Variants in FGF2 observed in about 807,000 individuals in gnomAD.
The protein encoded by FGF2 is basic fibroblast growth factor bFGF.
FGF2 carries 13 observed loss-of-function variants against 15.9 expected under a neutral mutation model. The observed-to-expected ratio is 0.82, with a 90% CI of 0.53 to 1.30. The LOEUF (loss-of-function observed/expected upper bound fraction) is 1.30, where lower values mean the gene tolerates loss of function less well. Ranked by LOEUF, FGF2 falls within the 50% of genes most tolerant of loss-of-function variation. The pLI, the probability that FGF2 is intolerant of heterozygous loss-of-function variation, is 0.00. For missense variants in FGF2, 163 were observed against 196.9 expected, an observed-to-expected ratio of 0.83 and a Z score of 1.03; for synonymous variants, 90 against 78.4, an observed-to-expected ratio of 1.15 and a Z score of -0.78.
At chr4:122,862,673 G>A (rs1726496155) in intron 1 of FGF2, among the ~76,000 whole-genome samples, 1 of 152,156 alleles carries the variant, frequency 6.6e-6, no homozygotes, top group African/African-American at 2.4e-5. Context: ...TTGTAGATGT[G>A]ATTTAAGATA....
At chr4:122,854,710 G>T (rs1461441410) in intron 1 of FGF2, among the ~76,000 whole-genome samples, 1 of 152,230 alleles carries the variant, frequency 6.6e-6, no homozygotes, top group East Asian at 1.9e-4. Context: ...AAGTTTTGGA[G>T]ATGGGCCTTG....
chr4:122,854,505 G>C (rs1726298133), intron 1 of FGF2, among the ~76,000 whole-genome samples: 1 of 152,232 alleles, frequency 6.6e-6, no homozygotes, highest in African/African-American at 2.4e-5. Context: ...GCATTCTTGA[G>C]GGTGGAGCCA....
At chr4:122,849,047 A>G (rs947805036) in intron 1 of FGF2, among the ~76,000 whole-genome samples, 3 of 152,188 alleles carry the variant, frequency 2.0e-5, no homozygotes, top group African/African-American at 7.2e-5. Context: ...CTCTTGGTCT[A>G]TCCTTGTGTC....
intron 1 of FGF2, among the ~76,000 whole-genome samples, chr4:122,834,688 CT>C (rs1188733261): frequency 6.6e-6 from 1 of 152,254 alleles, no homozygotes; most frequent in Non-Finnish European, 1.5e-5. Flanking sequence ...GCCCACTCCC[CT>C]CCTCTTGCCT....
chr4:122,871,733 C>T (rs1467572621), intron 1 of FGF2, among the ~76,000 whole-genome samples: 1 of 149,300 alleles, frequency 6.7e-6, no homozygotes, highest in African/African-American at 2.5e-5. Flanking sequence ...AAGTGAACCC[C>T]CAGCAAACTG....
At chr4:122,833,205 G>A (rs977166675) in intron 1 of FGF2, among the ~76,000 whole-genome samples, 1 of 151,938 alleles carries the variant, frequency 6.6e-6, no homozygotes, top group East Asian at 1.9e-4. Context: ...GTGTGTGTAT[G>A]TGTGTATTTG....
chr4:122,852,242 C>T (rs895185659), intron 1 of FGF2, among the ~76,000 whole-genome samples: 3 of 152,092 alleles, frequency 2.0e-5, no homozygotes, highest in Non-Finnish European at 4.4e-5. Flanking sequence ...CAAGTGGTCA[C>T]GGGGACAAGA....
At chr4:122,852,696 C>A (rs893001965) in intron 1 of FGF2, among the ~76,000 whole-genome samples, 1 of 152,146 alleles carries the variant, frequency 6.6e-6, no homozygotes, top group South Asian at 2.1e-4. Flanking sequence ...CAAGTTGAAA[C>A]CCCCTAAACA....
At chr4:122,878,898 G>T (rs1322267495) in intron 2 of FGF2, among the ~76,000 whole-genome samples, 1 of 152,148 alleles carries the variant, frequency 6.6e-6, no homozygotes, top group Admixed American at 6.5e-5. Context: ...AAAGAGCAAG[G>T]TTTGGGAAAA....
At chr4:122,891,583 T>A (rs566724047) in intron 2 of FGF2, among the ~76,000 whole-genome samples, 141 of 152,350 alleles carry the variant, frequency 9.3e-4, no homozygotes, top group African/African-American at 3.2e-3. Context: ...TGTTCCAATA[T>A]TATTTTTGGC....
chr4:122,862,698 T>C (rs952791299), intron 1 of FGF2, among the ~76,000 whole-genome samples: 2 of 152,246 alleles, frequency 1.3e-5, no homozygotes, highest in African/African-American at 4.8e-5. Context: ...TGTGTAATGA[T>C]AAGGCTAAGT....
At chr4:122,858,598 G>A (rs766242574) in intron 1 of FGF2, among the ~76,000 whole-genome samples, 11 of 152,050 alleles carry the variant, frequency 7.2e-5, no homozygotes, top group Admixed American at 3.9e-4. Flanking sequence ...GGGTTTCATC[G>A]TGTTGCCCAG....
chr4:122,877,895 A>G (rs1726889582), intron 2 of FGF2, among the ~76,000 whole-genome samples: 1 of 152,268 alleles, frequency 6.6e-6, no homozygotes, highest in African/African-American at 2.4e-5. Context: ...TGACAAAGAT[A>G]TACTTACATT....
At chr4:122,848,620 A>T (rs1185868977) in intron 1 of FGF2, among the ~76,000 whole-genome samples, 1 of 152,106 alleles carries the variant, frequency 6.6e-6, no homozygotes, top group African/African-American at 2.4e-5. Context: ...GTTTCTGAGG[A>T]TATGGGCCAC....
intron 1 of FGF2, among the ~76,000 whole-genome samples, chr4:122,831,041 C>G (rs900175819): frequency 6.6e-6 from 1 of 152,058 alleles, no homozygotes; most frequent in Non-Finnish European, 1.5e-5. Flanking sequence ...TTCCATGCAA[C>G]CCCAAGCATA....
At chr4:122,854,198 T>C (rs1234065607) in intron 1 of FGF2, among the ~76,000 whole-genome samples, 2 of 152,242 alleles carry the variant, frequency 1.3e-5, no homozygotes, top group Admixed American at 6.5e-5. Flanking sequence ...AAGGATACAA[T>C]ATTTTAAAGT....
chr4:122,833,244 A>G (rs1725800668), intron 1 of FGF2, among the ~76,000 whole-genome samples: 1 of 151,946 alleles, frequency 6.6e-6, no homozygotes, highest in African/African-American at 2.4e-5. Flanking sequence ...GACTTCTGCA[A>G]TTTAACCTCT....
chr4:122,860,941 T>C (rs981342723), intron 1 of FGF2, among the ~76,000 whole-genome samples: 6 of 152,198 alleles, frequency 3.9e-5, no homozygotes, highest in Non-Finnish European at 1.5e-5. Flanking sequence ...ATGGAGAAAA[T>C]GGTACTGTCT....
chr4:122,895,660 T>C lies in FGF2; in HGVS notation c.*3264T>C, dbSNP rs993793559. The C allele has an allele frequency of 6.6e-6, 1 of 152,204 alleles. No homozygotes were observed. Among genetic ancestry groups the C allele is most frequent in the African/African-American group, 2.4e-5 (1 of 41,456 alleles). 9.4% of individuals were successfully genotyped at this position (152,204 alleles called of 1,614,324 possible). On this transcript the variant is annotated 3_prime_UTR_variant, in exon 3 of 3. Transcript: ENST00000644866. ...TACCTTTATACTCTTAGGGTATTAT[T>C]TTATACAAAAGCCTTGAGGATTGCA... is the stretch of plus-strand genomic sequence containing the variant.
Sources: gnomAD v4.1 joint callset for allele counts (sites outside exome capture counted in the v4.1 genomes callset) on GRCh38, gnomAD v4.1.1 for gene constraint, MANE v1.5 for transcripts, NCBI Gene and HGNC (gene_info 2026-07-23, HGNC 2026-07-21) for gene names.